ATXN7L1: variants seen among roughly 807,000 people sequenced by gnomAD.
ATXN7L1 encodes ataxin-7-like protein 1.
In ATXN7L1, 15 loss-of-function variants were observed where a neutral mutation model predicts 70.8. The observed-to-expected ratio is 0.21, with a 90% CI of 0.14 to 0.33. The LOEUF (loss-of-function observed/expected upper bound fraction) is 0.33, where lower values mean the gene tolerates loss of function less well. Ranked by LOEUF, ATXN7L1 falls within the 10% of genes least tolerant of loss-of-function variation. The probability of loss-of-function intolerance (pLI) is 1.00; values close to 1 mark genes in which losing one functional copy is unlikely to be tolerated. For synonymous variants in ATXN7L1, 440 were observed against 445.1 expected (o/e 0.99, Z 0.14); for missense variants, 975 against 1,097.1 (o/e 0.89, Z 1.57).
At chr7:105,730,887 T>C (rs1245577432) in intron 3 of ATXN7L1, among the ~76,000 whole-genome samples, 3 of 152,206 alleles carry the variant, frequency 2.0e-5, no homozygotes, top group African/African-American at 7.2e-5. Context: ...GTGTTAATAT[T>C]GGTTCAAGAA....
intron 6 of ATXN7L1, among the ~76,000 whole-genome samples, chr7:105,639,164 G>T (rs1473250205): frequency 6.6e-6 from 1 of 152,148 alleles, no homozygotes; most frequent in Non-Finnish European, 1.5e-5. Flanking sequence ...CGCCGCCGCC[G>T]CTGCCGCTGC....
intron 2 of ATXN7L1, among the ~76,000 whole-genome samples, chr7:105,857,129 A>C (rs939919532): frequency 6.6e-6 from 1 of 152,128 alleles, no homozygotes; most frequent in Non-Finnish European, 1.5e-5. Context: ...TGAATGTCCA[A>C]ATCCTAGCTG....
chr7:105,697,869 C>T, intron 3 of ATXN7L1, among the ~76,000 whole-genome samples: 1 of 152,256 alleles, frequency 6.6e-6, no homozygotes. Flanking sequence ...CTTCCTGCAA[C>T]AGCTGGGGCC....
At position 105,788,623 on chromosome 7, in the gene ATXN7L1, C is replaced by T; in HGVS notation, c.336G>A (p.Gln112=). The T allele has an allele frequency of 1.2e-6, 2 of 1,613,488 alleles. No individual in the cohort carries two copies. Among genetic ancestry groups the T allele is most frequent in the Non-Finnish European group, 1.7e-6 (2 of 1,179,422 alleles). The change falls in exon 3 of 12, where the codon CAG becomes CAA. Residue 112 remains glutamine, a synonymous_variant. Transcript: ENST00000419735. ...ACTTACCGCAGTGCGACTGGAAAACCTGTGGCTTGACGACCTGGTTACAGG... is the reference window on the plus strand; with the variant it reads ...ACTTACCGCAGTGCGACTGGAAAACTTGTGGCTTGACGACCTGGTTACAGG... ...CSACNQVVKP[Q]VFQSHCERRH... is the part of the protein sequence containing the mutation.
At chr7:105,784,941 C>T (rs1033385359) in intron 3 of ATXN7L1, among the ~76,000 whole-genome samples, 58 of 152,198 alleles carry the variant, frequency 3.8e-4, no homozygotes, top group African/African-American at 1.3e-3. Flanking sequence ...GCTTGGACCC[C>T]TGCCCCAATT....
At chr7:105,645,849 A>AAACGAACG in intron 4 of ATXN7L1, among the ~76,000 whole-genome samples, 1 of 150,746 alleles carries the variant, frequency 6.6e-6, no homozygotes, top group East Asian at 2.0e-4. Context: ...ACAAACAAAC[A>AAACGAACG]AACAGAAATT....
intron 3 of ATXN7L1, among the ~76,000 whole-genome samples, chr7:105,778,528 A>AC (rs1563085196): frequency 7.6e-5 from 11 of 145,376 alleles, no homozygotes; most frequent in African/African-American, 1.9e-4. Context: ...AAAAAAAAAA[A>AC]AAAAAAACAA....
rs1221560482 is a variant in ATXN7L1 at position 105,843,865 on chromosome 7, T to C, written c.250+31947A>G. ...ACTGTGTAAAAAGCTACCCCAAAAC[T>C]CTGGTTTAAAACCACAATTTGTTAT... On this transcript the variant is annotated intron_variant, in intron 2 of 11. Transcript: ENST00000419735. 2.6e-5 allele frequency among the ~76,000 whole-genome samples: 4 copies of C among 152,180 alleles called. No individual in the cohort carries two copies. The East Asian group carries it at 7.7e-4, about 29-fold the overall frequency.
At chr7:105,767,292 T>C (rs1244448241) in intron 3 of ATXN7L1, among the ~76,000 whole-genome samples, 2 of 148,480 alleles carry the variant, frequency 1.3e-5, no homozygotes, top group African/African-American at 2.5e-5. Context: ...CCACCGGGAG[T>C]TTCAAGAGGG....
intron 3 of ATXN7L1, among the ~76,000 whole-genome samples, chr7:105,717,859 A>G (rs1794747401): frequency 6.6e-6 from 1 of 152,186 alleles, no homozygotes; most frequent in African/African-American, 2.4e-5. Flanking sequence ...TTTTCACTTG[A>G]GTTTCCTCCA....
At chr7:105,761,237 G>GCTCA (rs1800493080) in intron 3 of ATXN7L1, 3 of 1,497,464 alleles carry the variant, frequency 2.0e-6, no homozygotes, top group Non-Finnish European at 2.7e-6. Flanking sequence ...ACCAGAGTGT[G>GCTCA]CTCACGAATT....
chr7:105,807,419 A>G (rs1035306027), intron 2 of ATXN7L1, among the ~76,000 whole-genome samples: 2 of 152,120 alleles, frequency 1.3e-5, no homozygotes, highest in Non-Finnish European at 2.9e-5. Context: ...GCTGCCCCAC[A>G]CTGACACAAA....
intron 3 of ATXN7L1, chr7:105,760,431 C>T (rs1025627434): frequency 2.0e-6 from 2 of 985,304 alleles, no homozygotes; most frequent in Non-Finnish European, 2.4e-6. Context: ...AGGGTCTAGA[C>T]ATGAATTCAG....
At chr7:105,703,012 A>G (rs1383279098) in intron 3 of ATXN7L1, among the ~76,000 whole-genome samples, 3 of 152,224 alleles carry the variant, frequency 2.0e-5, no homozygotes, top group Non-Finnish European at 4.4e-5. Context: ...GCCACTTGGG[A>G]GGCTGAGGCA....
Position 105,614,639 on chromosome 7 carries a change from G to A in ATXN7L1, c.1695C>T (p.Asn565=), listed in dbSNP as rs112306946. 78 of 1,551,662 alleles carry A rather than the reference G, an allele frequency of 5.0e-5. No homozygotes were observed. The South Asian group carries it at 6.7e-4, about 13-fold the overall frequency. ...GGTCCGGCGATGTCACGAAAGCTGC[G>A]TTTGAGAGCATGGCTGATGTCATTA... ...SYIMTSAMLS[N]AAFVTSPDPS... Residue 565 remains asparagine (N), a synonymous_variant, in exon 10 of 12, where the codon AAC becomes AAT. Coordinates refer to ENST00000419735, the MANE Select transcript of ATXN7L1 (RefSeq NM_020725.2). The surrounding 1 kb of genome is among the most constrained non-coding windows in gnomAD (Gnocchi z 4.3).
chr7:105,622,236 A>G (rs1413370886), intron 8 of ATXN7L1, among the ~76,000 whole-genome samples: 5 of 152,228 alleles, frequency 3.3e-5, no homozygotes, highest in Non-Finnish European at 7.3e-5. Context: ...CAGCTGCGCC[A>G]CATCCCGAGT....
intron 4 of ATXN7L1, among the ~76,000 whole-genome samples, chr7:105,657,276 G>C (rs1800805861): frequency 6.6e-6 from 1 of 152,118 alleles, no homozygotes; most frequent in Non-Finnish European, 1.5e-5. Flanking sequence ...CCTGATGGGA[G>C]CGTAACATTT....
At chr7:105,638,228 C>G in intron 7 of ATXN7L1, 125 bp downstream of exon 7, 1 of 1,301,196 alleles carries the variant, frequency 7.7e-7, no homozygotes, top group Non-Finnish European at 1.0e-6. Context: ...AACTTTACTA[C>G]TTGCCTTAGG....
At chr7:105,693,662 T>C (rs1340545358) in intron 3 of ATXN7L1, among the ~76,000 whole-genome samples, 1 of 152,126 alleles carries the variant, frequency 6.6e-6, no homozygotes, top group African/African-American at 2.4e-5. Flanking sequence ...AAACAGGCTG[T>C]TTGGAAAAGC....
Sources: gnomAD v4.1 joint callset for allele counts (sites outside exome capture counted in the v4.1 genomes callset) on GRCh38, gnomAD v4.1.1 for gene constraint, Gnocchi (gnomAD v3.1) non-coding constraint, MANE v1.5 for transcripts, NCBI Gene and HGNC (gene_info 2026-07-23, HGNC 2026-07-21) for gene names.